The following RGS12 variants were observed in gnomAD, a reference collection of about 807,000 sequenced individuals.
RGS12 encodes the protein regulator of G protein signaling 12, also known as regulator of G-protein signaling 12.
A neutral mutation model predicts 120.1 loss-of-function variants in RGS12; 66 were observed. The observed-to-expected ratio is 0.55, with a 90% CI of 0.45 to 0.67. The LOEUF is 0.67. Ranked by LOEUF, RGS12 falls within the 30% of genes least tolerant of loss-of-function variation. The pLI is 0.00. For missense variants in RGS12, 1,859 were observed against 1,957.7 expected (o/e 0.95, Z 0.95); for synonymous variants, 827 against 804.7 (o/e 1.03, Z -0.47).
upstream of RGS12, among the ~76,000 whole-genome samples, chr4:3,292,697 G>A (rs983727568): frequency 1.3e-5 from 2 of 152,220 alleles, no homozygotes; most frequent in African/African-American, 2.4e-5. Context: ...ACCAGCTTGC[G>A]GGAACGCAGT....
intron 1 of RGS12, among the ~76,000 whole-genome samples, chr4:3,295,591 C>T (rs568629510): frequency 2.9e-5 from 4 of 139,292 alleles, no homozygotes; most frequent in Non-Finnish European, 6.1e-5. Context: ...ACCTGGGAGG[C>T]GGAGGTTGCG....
At position 3,317,897 on chromosome 4, in the gene RGS12, T is replaced by C. The variant is rs1420515355; in HGVS notation, c.1727T>C (p.Met576Thr). 6.2e-7 allele frequency: 1 copy of C among 1,613,884 alleles called. No individual in the cohort carries two copies. The highest frequency in any genetic ancestry group is 8.5e-7 in the Non-Finnish European group (1 of 1,180,010). The change falls in exon 2 of 18, where the codon ATG (methionine) becomes ACG (threonine). Residue 576 changes from methionine to threonine, a missense_variant. Physicochemically the swap from Met to Thr is moderately conservative, Grantham distance 81. Around this residue, in one of 3 missense-constraint regions of RGS12, gnomAD observed 967 missense variants for 994.2 expected, o/e 0.97. Coordinates refer to ENST00000336727, the MANE Select transcript of RGS12 (RefSeq NM_001394154.1). The stretch of plus-strand genomic sequence containing the variant: ...AACTGCGGCACACTGCCCCCTCCTA[T>C]GAGCAAGATCCCCGCAGACCGCTAC... ...SINCGTLPPP[M>T]SKIPADRYRV...
chr4:3,381,520 G>C (rs903923016), intron 3 of RGS12, among the ~76,000 whole-genome samples: 6 of 152,176 alleles, frequency 3.9e-5, no homozygotes, highest in African/African-American at 1.4e-4. Flanking sequence ...GAGGCCTCCG[G>C]GAACTTACAA....
At chr4:3,299,425 C>T (rs1370527622) in intron 1 of RGS12, among the ~76,000 whole-genome samples, 3 of 152,144 alleles carry the variant, frequency 2.0e-5, no homozygotes, top group Non-Finnish European at 4.4e-5. Context: ...TGGTGCAGCT[C>T]TCTCCTTTCA....
chr4:3,290,924 C>T (rs1314650372), upstream of RGS12, among the ~76,000 whole-genome samples: 1 of 152,260 alleles, frequency 6.6e-6, no homozygotes, highest in African/African-American at 2.4e-5. Flanking sequence ...TTCTCTCCGT[C>T]TCAGGCAATT....
intron 4 of RGS12, among the ~76,000 whole-genome samples, chr4:3,404,092 T>C (rs1213257935): frequency 1.3e-5 from 2 of 152,350 alleles, no homozygotes; most frequent in South Asian, 4.1e-4. Context: ...AGATGGCATA[T>C]AGCTTATTTA....
chr4:3,403,334 G>A (rs1577054692), intron 4 of RGS12, among the ~76,000 whole-genome samples: 1 of 152,314 alleles, frequency 6.6e-6, no homozygotes. Flanking sequence ...ATATCTCGAG[G>A]GGTCCGTGAG....
intron 3 of RGS12, among the ~76,000 whole-genome samples, chr4:3,379,503 T>C (rs1299348201): frequency 6.6e-6 from 1 of 152,154 alleles, no homozygotes; most frequent in East Asian, 1.9e-4. Context: ...AAATAAAAAT[T>C]TAATATTACC....
chr4:3,309,841 T>TCTGAG (rs1724248254), intron 1 of RGS12, among the ~76,000 whole-genome samples: 2 of 92,678 alleles, frequency 2.2e-5, no homozygotes, highest in African/African-American at 5.0e-5. Flanking sequence ...AGGTGTCTGC[T>TCTGAG]GAGAACTGGG....
chr4:3,301,554 C>A (rs936891800), intron 1 of RGS12, among the ~76,000 whole-genome samples: 3 of 151,778 alleles, frequency 2.0e-5, no homozygotes, highest in African/African-American at 7.3e-5. Flanking sequence ...AGGAGAGGCC[C>A]GCCAGGGCCA....
chr4:3,386,021 G>A, intron 3 of RGS12: 1 of 229,222 alleles, frequency 4.4e-6, no homozygotes, highest in Non-Finnish European at 8.5e-6. Context: ...CCCCGAGTGT[G>A]GTCCTGGGTG....
At chr4:3,388,605 C>T (rs569759333) in intron 4 of RGS12, among the ~76,000 whole-genome samples, 4 of 152,084 alleles carry the variant, frequency 2.6e-5, no homozygotes, top group East Asian at 3.9e-4. Context: ...GGCCTCCACA[C>T]GCCCAGCCCC....
Position 3,317,711 on chromosome 4 carries a change from C to A in RGS12, c.1541C>A (p.Ser514Tyr). ...TCTCCTGTGGAGGTGCCCCCAGCTT[C>A]CTTGAGGAGCTCAGTCCCCCCTTCC... The part of the protein sequence containing the change: ...PASPVEVPPA[S>Y]LRSSVPPSKR... The change falls in exon 2 of 18, where the codon TCC (serine) becomes TAC (tyrosine). Residue 514 changes from serine (S) to tyrosine (Y), a missense_variant. By Grantham distance (144) the Ser-to-Tyr change is moderately radical. This residue lies in a region of RGS12 where 967 missense variants were observed against 994.2 expected (regional missense o/e 0.97). Coordinates refer to ENST00000336727, the MANE Select transcript of RGS12 (RefSeq NM_001394154.1). 6.2e-7 allele frequency: 1 copy of A among 1,613,354 alleles called. No individual in the cohort carries two copies. The highest frequency in any genetic ancestry group is 8.5e-7 in the Non-Finnish European group (1 of 1,179,896).
intron 3 of RGS12, among the ~76,000 whole-genome samples, chr4:3,376,449 AG>A (rs1717703804): frequency 6.6e-6 from 1 of 152,158 alleles, no homozygotes; most frequent in South Asian, 2.1e-4. Context: ...ATGGAACAGG[AG>A]GGGACTGGGT....
intron 1 of RGS12, among the ~76,000 whole-genome samples, chr4:3,306,754 T>A (rs1198078178): frequency 6.6e-6 from 1 of 152,094 alleles, no homozygotes; most frequent in Admixed American, 6.5e-5. Flanking sequence ...ACTCTGCTTC[T>A]GTTTGGGTAG....
intron 3 of RGS12, 54 bp downstream of exon 3, chr4:3,343,107 G>A (rs1560101427): frequency 3.0e-6 from 4 of 1,346,338 alleles, no homozygotes; most frequent in East Asian, 2.3e-5. Context: ...AAAAATGCAA[G>A]TCCACCTTGC....
intron 4 of RGS12, among the ~76,000 whole-genome samples, chr4:3,398,332 T>C (rs1387594181): frequency 6.6e-6 from 1 of 152,146 alleles, no homozygotes; most frequent in Non-Finnish European, 1.5e-5. Flanking sequence ...ATAAGCGATG[T>C]TGAACCAGGC....
At chr4:3,346,028 A>C (rs1188367397) in intron 3 of RGS12, among the ~76,000 whole-genome samples, 1 of 152,156 alleles carries the variant, frequency 6.6e-6, no homozygotes, top group East Asian at 1.9e-4. Flanking sequence ...TACAGGCATG[A>C]GCCACCATGC....
At chr4:3,309,959 A>T (rs59939497) in intron 1 of RGS12, among the ~76,000 whole-genome samples, 8 of 97,096 alleles carry the variant, frequency 8.2e-5, no homozygotes, top group East Asian at 3.5e-4. Flanking sequence ...GGAACCGTGC[A>T]GGGGAGGAGC....
Sources: allele counts gnomAD v4.1 joint callset (sites outside exome capture counted in the v4.1 genomes callset), GRCh38; gene constraint gnomAD v4.1.1; regional missense constraint gnomAD v4.1.1; transcripts MANE v1.5; gene names NCBI Gene and HGNC (gene_info 2026-07-23, HGNC 2026-07-21).